The following SLMAP variants were observed in gnomAD, a reference collection of about 807,000 sequenced individuals.
SLMAP encodes the protein sarcolemma associated protein.
A neutral mutation model predicts 128.8 loss-of-function variants in SLMAP; 44 were observed. The observed-to-expected ratio is 0.34, with a 90% CI of 0.27 to 0.44. The LOEUF (loss-of-function observed/expected upper bound fraction) is 0.44. Ranked by LOEUF, SLMAP falls within the 20% of genes least tolerant of loss-of-function variation. SLMAP has a pLI of 1.00. For missense variants in SLMAP, 787 were observed against 985.3 expected, an observed-to-expected ratio of 0.80 and a Z score of 2.69; for synonymous variants, 327 against 348.8, an observed-to-expected ratio of 0.94 and a Z score of 0.70.
intron 2 of SLMAP, among the ~76,000 whole-genome samples, chr3:57,810,038 A>C (rs1250596594): frequency 1.3e-5 from 2 of 152,190 alleles, no homozygotes; most frequent in African/African-American, 4.8e-5. Context: ...CAGGGAGCTC[A>C]GACCTGGAGC....
intron 2 of SLMAP, among the ~76,000 whole-genome samples, chr3:57,795,923 G>T (rs1238112084): frequency 6.6e-6 from 1 of 151,872 alleles, no homozygotes; most frequent in Admixed American, 6.6e-5. Context: ...GAATCATATA[G>T]TATTTGTCCT....
At chr3:57,922,637 C>T (rs927070265) in intron 22 of SLMAP, among the ~76,000 whole-genome samples, 2 of 152,112 alleles carry the variant, frequency 1.3e-5, no homozygotes, top group African/African-American at 2.4e-5. Flanking sequence ...TCATGTTGGT[C>T]AGGCTAATCT....
chr3:57,760,511 A>G (rs374598844), intron 2 of SLMAP, among the ~76,000 whole-genome samples: 14 of 152,170 alleles, frequency 9.2e-5, no homozygotes, highest in Non-Finnish European at 4.4e-5. Context: ...TTGAGCATCT[A>G]TTATGTGCCA....
chr3:57,877,436 T>A (rs992461131), intron 14 of SLMAP, among the ~76,000 whole-genome samples: 5 of 152,232 alleles, frequency 3.3e-5, no homozygotes, highest in African/African-American at 1.2e-4. Flanking sequence ...TTTGTAAACT[T>A]TTATTTCTCT....
chr3:57,857,819 C>T lies in SLMAP; in HGVS notation c.606C>T (p.Thr202=), dbSNP rs781292970. The change falls in exon 7 of 25, where the codon ACC becomes ACT. Residue 202 remains threonine, a synonymous_variant. Transcript: ENST00000671191. ...LLAITQEASD[T]SWQALIDEDR... ...CCATCACCCAAGAGGCTTCAGATAC[C>T]AGTTGGCAGGTATTCCAGTTGTTTT... 2 of 1,603,068 alleles carry T rather than the reference C, an allele frequency of 1.2e-6. No individual in the cohort carries two copies. Among genetic ancestry groups the T allele is most frequent in the Admixed American group, 3.3e-5 (2 of 59,910 alleles).
chr3:57,779,206 A>T (rs983405059), intron 2 of SLMAP, among the ~76,000 whole-genome samples: 15 of 152,160 alleles, frequency 9.9e-5, no homozygotes, highest in African/African-American at 3.6e-4. Context: ...GATGTCATTT[A>T]AGATAAAATT....
intron 2 of SLMAP, among the ~76,000 whole-genome samples, chr3:57,762,720 T>TG (rs2078933047): frequency 6.8e-6 from 1 of 146,912 alleles, no homozygotes; most frequent in Non-Finnish European, 1.5e-5. Context: ...GTTTTTTTTT[T>TG]TTTTTTTTTT....
At chr3:57,888,823 T>C (rs1335187229) in intron 14 of SLMAP, among the ~76,000 whole-genome samples, 1 of 152,104 alleles carries the variant, frequency 6.6e-6, no homozygotes, top group African/African-American at 2.4e-5. Context: ...TGGAGTGAAG[T>C]AGGACAGAGG....
chr3:57,908,040 G>T, intron 18 of SLMAP, 34 bp downstream of exon 18: 2 of 1,607,328 alleles, frequency 1.2e-6, no homozygotes, highest in Non-Finnish European at 1.7e-6. Context: ...CTTTAGGGAT[G>T]TGTGGAGGCA....
chr3:57,758,341 A>G (rs1170052786), intron 2 of SLMAP, among the ~76,000 whole-genome samples: 1 of 152,244 alleles, frequency 6.6e-6, no homozygotes, highest in Non-Finnish European at 1.5e-5. Flanking sequence ...ATATAAACCT[A>G]AGATTTTTGA....
intron 2 of SLMAP, among the ~76,000 whole-genome samples, chr3:57,767,268 A>G (rs1190733323): frequency 2.6e-5 from 4 of 152,198 alleles, no homozygotes; most frequent in Non-Finnish European, 5.9e-5. Context: ...CTATGATGCA[A>G]ATGTACTACT....
intron 2 of SLMAP, among the ~76,000 whole-genome samples, chr3:57,823,595 A>G (rs1188766075): frequency 6.6e-6 from 1 of 152,208 alleles, no homozygotes; most frequent in Admixed American, 6.5e-5. Flanking sequence ...TATATGTGCC[A>G]CATTTTCTTA....
At chr3:57,775,842 G>A (rs1424734654) in intron 2 of SLMAP, among the ~76,000 whole-genome samples, 2 of 152,056 alleles carry the variant, frequency 1.3e-5, no homozygotes, top group Non-Finnish European at 2.9e-5. Context: ...GGGATTACAG[G>A]CGCCCACCAC....
intron 14 of SLMAP, among the ~76,000 whole-genome samples, chr3:57,879,954 A>AT (rs2095691155): frequency 7.4e-6 from 1 of 134,802 alleles, no homozygotes; most frequent in African/African-American, 2.9e-5. Flanking sequence ...TGTCTCAAAA[A>AT]AAAAAAAATA....
In SLMAP at chr3:57,853,955, TTATATATATATATATATATATATATA is replaced by T. The variant is rs1157170350; in HGVS notation, c.520-3758_520-3733del. Among the ~76,000 whole-genome samples, 19 of 31,944 alleles carry T rather than the reference TTATATATATATATATATATATATATA, an allele frequency of 5.9e-4. No individual in the cohort carries two copies. In the East Asian group the frequency reaches 8.2e-3, roughly 14 times the overall value. 21.0% of individuals were successfully genotyped at this position (31,944 alleles called of 152,430 possible). On this transcript the variant is annotated intron_variant, in intron 6 of 24. Transcript: ENST00000671191. ...AAATTCTGTCTCAAAAAAAAAAAAATTATATATATATATATATATATATATATATATATATATATATATATTTACAT... is the reference window on the plus strand; with the variant it reads ...AAATTCTGTCTCAAAAAAAAAAAAATTATATATATATATATATATTTACAT...
chr3:57,888,487 C>T (rs945631792), intron 14 of SLMAP, among the ~76,000 whole-genome samples: 20 of 151,688 alleles, frequency 1.3e-4, no homozygotes, highest in Non-Finnish European at 7.4e-5. Flanking sequence ...TGTGGTGGTG[C>T]GCACTCATAG....
intron 19 of SLMAP, among the ~76,000 whole-genome samples, chr3:57,910,572 T>G (rs2096670178): frequency 6.6e-6 from 1 of 152,218 alleles, no homozygotes; most frequent in Non-Finnish European, 1.5e-5. Flanking sequence ...ACCATTTTGC[T>G]ATTTCTTTGT....
intron 14 of SLMAP, among the ~76,000 whole-genome samples, chr3:57,883,618 A>G (rs1217855992): frequency 6.6e-6 from 1 of 152,196 alleles, no homozygotes; most frequent in Non-Finnish European, 1.5e-5. Flanking sequence ...TCATAGTAAA[A>G]TATTATAAAA....
At chr3:57,859,749 A>G (rs531652828) in intron 8 of SLMAP, among the ~76,000 whole-genome samples, 173 of 152,272 alleles carry the variant, frequency 1.1e-3, no homozygotes, top group African/African-American at 4.0e-3. Flanking sequence ...AAAACTCCCT[A>G]TTGAATACAA....
Sources: gnomAD v4.1 joint callset for allele counts (sites outside exome capture counted in the v4.1 genomes callset) on GRCh38, gnomAD v4.1.1 for gene constraint, MANE v1.5 for transcripts, NCBI Gene and HGNC (gene_info 2026-07-23, HGNC 2026-07-21) for gene names.